PTPRT: variants seen among roughly 807,000 people sequenced by gnomAD.
PTPRT encodes the protein protein tyrosine phosphatase receptor type T.
In PTPRT, 56 loss-of-function variants were observed where a neutral mutation model predicts 176.8. The observed-to-expected ratio is 0.32, with a 90% CI of 0.26 to 0.40. PTPRT has a LOEUF of 0.40. Among genes scored for constraint, PTPRT ranks in the 10% least tolerant of loss-of-function variants. The probability of loss-of-function intolerance (pLI) is 1.00; values close to 1 mark genes in which losing one functional copy is unlikely to be tolerated. For missense variants in PTPRT, 1,540 were observed against 1,908.2 expected, an observed-to-expected ratio of 0.81 and a Z score of 3.60; for synonymous variants, 783 against 739.0, an observed-to-expected ratio of 1.06 and a Z score of -0.96.
chr20:42,370,600 T>G (rs1030367383), intron 9 of PTPRT, among the ~76,000 whole-genome samples: 3 of 152,206 alleles, frequency 2.0e-5, no homozygotes, highest in African/African-American at 7.2e-5. Context: ...TGATTTTCTC[T>G]TCTGTTAAAT....
chr20:42,957,257 T>C (rs951698965), intron 1 of PTPRT, among the ~76,000 whole-genome samples: 3 of 152,170 alleles, frequency 2.0e-5, no homozygotes, highest in Admixed American at 1.3e-4. Context: ...TACGCAGCAG[T>C]ACACGGCAAG....
chr20:42,795,175 C>T (rs969626659), intron 2 of PTPRT, among the ~76,000 whole-genome samples: 1 of 124,138 alleles, frequency 8.1e-6, no homozygotes, highest in Non-Finnish European at 1.9e-5. Flanking sequence ...ATTCTTTTCC[C>T]TTCTCCCTTA....
chr20:42,149,670 T>C (rs1989036280), intron 17 of PTPRT, among the ~76,000 whole-genome samples: 1 of 152,090 alleles, frequency 6.6e-6, no homozygotes, highest in Admixed American at 6.6e-5. Flanking sequence ...GTAATCTGCC[T>C]GCCTTGGCCT....
chr20:42,992,965 A>G (rs6030591), intron 1 of PTPRT, among the ~76,000 whole-genome samples: 94 of 152,276 alleles, frequency 6.2e-4, no homozygotes, highest in African/African-American at 2.2e-3. Flanking sequence ...GTCTGAAGAA[A>G]GAGAACAACA....
intron 2 of PTPRT, among the ~76,000 whole-genome samples, chr20:42,872,847 G>A (rs1248989573): frequency 6.6e-6 from 1 of 152,126 alleles, no homozygotes; most frequent in Non-Finnish European, 1.5e-5. Flanking sequence ...CCCAGAGAAA[G>A]GCAGCTCAAA....
At chr20:42,680,709 T>C (rs2075588060) in intron 6 of PTPRT, among the ~76,000 whole-genome samples, 1 of 152,216 alleles carries the variant, frequency 6.6e-6, no homozygotes, top group Non-Finnish European at 1.5e-5. Flanking sequence ...CTTTTCACCA[T>C]GGTTTTCTGC....
intron 13 of PTPRT, among the ~76,000 whole-genome samples, chr20:42,273,681 G>A (rs925009182): frequency 1.3e-5 from 2 of 152,226 alleles, no homozygotes; most frequent in African/African-American, 2.4e-5. Context: ...CTCAATAAAT[G>A]CTTACTGAAA....
chr20:42,891,429 G>A (rs543112903), intron 1 of PTPRT, among the ~76,000 whole-genome samples: 1 of 152,202 alleles, frequency 6.6e-6, no homozygotes, highest in South Asian at 2.1e-4. Flanking sequence ...ATGTGAATCA[G>A]ACATAAAAAG....
chr20:42,095,872 G>A (rs868477523), intron 27 of PTPRT, among the ~76,000 whole-genome samples: 21 of 152,190 alleles, frequency 1.4e-4, no homozygotes, highest in Admixed American at 8.5e-4. Flanking sequence ...GACTCTCTCC[G>A]GAACGTCTCT....
intron 6 of PTPRT, among the ~76,000 whole-genome samples, chr20:42,692,222 T>C (rs2075804179): frequency 6.6e-6 from 1 of 152,226 alleles, no homozygotes; most frequent in Non-Finnish European, 1.5e-5. Flanking sequence ...TAGCTTTCAT[T>C]CCAAGACTTC....
intron 17 of PTPRT, among the ~76,000 whole-genome samples, chr20:42,158,509 C>T (rs1385998845): frequency 6.6e-6 from 1 of 152,104 alleles, no homozygotes; most frequent in African/African-American, 2.4e-5. Context: ...ACAAACAGCA[C>T]AGAGCAGGTT....
At chr20:42,260,546 G>C (rs932468845) in intron 13 of PTPRT, among the ~76,000 whole-genome samples, 1 of 152,214 alleles carries the variant, frequency 6.6e-6, no homozygotes, top group Admixed American at 6.5e-5. Context: ...CAGTATGAGA[G>C]AGCTGTGGTC....
chr20:42,315,057 G>C (rs941194827), intron 12 of PTPRT, among the ~76,000 whole-genome samples: 1 of 151,902 alleles, frequency 6.6e-6, no homozygotes, highest in African/African-American at 2.4e-5. Context: ...GCCAATCCTT[G>C]ACCAAAGAAA....
intron 16 of PTPRT, among the ~76,000 whole-genome samples, chr20:42,184,261 G>T (rs1448967228): frequency 6.6e-6 from 1 of 152,180 alleles, no homozygotes; most frequent in African/African-American, 2.4e-5. Context: ...ACACTGTTAA[G>T]TTGTGATATG....
intron 23 of PTPRT, among the ~76,000 whole-genome samples, 198 bp from the exon 24 acceptor site, chr20:42,107,119 G>A (rs1986526603): frequency 6.6e-6 from 1 of 152,174 alleles, no homozygotes; most frequent in African/African-American, 2.4e-5. Flanking sequence ...CTTGTCTGAT[G>A]GATAAAATAA....
At chr20:42,989,572 A>G (rs1465519014) in intron 1 of PTPRT, among the ~76,000 whole-genome samples, 1 of 152,166 alleles carries the variant, frequency 6.6e-6, no homozygotes, top group Non-Finnish European at 1.5e-5. Context: ...AGAAACGAGT[A>G]TTGGTTTATT....
chr20:42,717,261 G>C (rs997488804), intron 6 of PTPRT, among the ~76,000 whole-genome samples: 1 of 148,722 alleles, frequency 6.7e-6, no homozygotes, highest in Non-Finnish European at 1.5e-5. Context: ...TTGTCATAAA[G>C]CTATAACAAT....
At chr20:42,198,477 T>C (rs1351150749) in intron 16 of PTPRT, among the ~76,000 whole-genome samples, 2 of 152,150 alleles carry the variant, frequency 1.3e-5, no homozygotes, top group Non-Finnish European at 2.9e-5. Flanking sequence ...ATTACCCAAT[T>C]TGGGGAAGAG....
intron 2 of PTPRT, among the ~76,000 whole-genome samples, chr20:42,826,536 G>C (rs6103059): frequency 6.6e-6 from 1 of 152,194 alleles, no homozygotes; most frequent in Non-Finnish European, 1.5e-5. Flanking sequence ...GAAAAGTGCA[G>C]GTAGAAAACA....
Sources: gnomAD v4.1 joint callset for allele counts (sites outside exome capture counted in the v4.1 genomes callset) on GRCh38, gnomAD v4.1.1 for gene constraint, MANE v1.5 for transcripts, NCBI Gene and HGNC (gene_info 2026-07-23, HGNC 2026-07-21) for gene names.